C6orf163: variants seen among roughly 807,000 people sequenced by gnomAD.
The protein encoded by C6orf163 is uncharacterized protein C6orf163.
C6orf163 carries 22 observed loss-of-function variants against 28.4 expected under a neutral mutation model. The ratio of observed to expected loss-of-function variants is 0.78; its 90% CI spans 0.55 to 1.11. The LOEUF (loss-of-function observed/expected upper bound fraction) is 1.11. Among genes scored for constraint, C6orf163 ranks in the 50% least tolerant of loss-of-function variants. The pLI is 0.00. For missense variants in C6orf163, 342 were observed against 389.1 expected (o/e 0.88, Z 1.02); for synonymous variants, 110 against 123.6 (o/e 0.89, Z 0.73).
intron 2 of C6orf163, among the ~76,000 whole-genome samples, chr6:87,350,163 A>C (rs1582105150): frequency 6.6e-6 from 1 of 152,344 alleles, no homozygotes; most frequent in South Asian, 2.1e-4. Context: ...TAGCGATTCC[A>C]AAAACAGCAA....
At chr6:87,354,911 G>A (rs578102705) in intron 3 of C6orf163, among the ~76,000 whole-genome samples, 14 of 152,308 alleles carry the variant, frequency 9.2e-5, no homozygotes, top group Non-Finnish European at 1.9e-4. Context: ...CTCTCTGGAC[G>A]CTGTAAACAG....
intron 4 of C6orf163, among the ~76,000 whole-genome samples, chr6:87,361,017 G>A (rs930090693): frequency 6.6e-6 from 1 of 152,128 alleles, no homozygotes; most frequent in Non-Finnish European, 1.5e-5. Flanking sequence ...GGAAAAGTGG[G>A]GCTAGGCGCA....
intron 3 of C6orf163, among the ~76,000 whole-genome samples, chr6:87,355,597 A>G (rs1216546828): frequency 6.6e-6 from 1 of 152,200 alleles, no homozygotes; most frequent in East Asian, 1.9e-4. Context: ...AAGTTTTAAA[A>G]TACCTGGACA....
At chr6:87,356,559 G>A (rs1161287189) in intron 4 of C6orf163, 56 bp downstream of exon 4, 10 of 1,495,072 alleles carry the variant, frequency 6.7e-6, no homozygotes, top group Middle Eastern at 1.7e-4. Flanking sequence ...AATCAACCTG[G>A]AGAAACAGAT....
chr6:87,363,650 T>C (rs1777609391), intron 4 of C6orf163, among the ~76,000 whole-genome samples: 1 of 151,880 alleles, frequency 6.6e-6, no homozygotes, highest in East Asian at 1.9e-4. Flanking sequence ...TGCAATTTCA[T>C]CCATGTCCCT....
intron 2 of C6orf163, among the ~76,000 whole-genome samples, chr6:87,350,054 A>G (rs1474164897): frequency 6.6e-6 from 1 of 152,202 alleles, no homozygotes; most frequent in Non-Finnish European, 1.5e-5. Flanking sequence ...ATTTTCCACA[A>G]TGCACATATG....
At chr6:87,353,219 C>T (rs1197611708) in intron 3 of C6orf163, among the ~76,000 whole-genome samples, 2 of 152,090 alleles carry the variant, frequency 1.3e-5, no homozygotes, top group Non-Finnish European at 2.9e-5. Context: ...TGAATACCTA[C>T]TTCACAACCC....
chr6:87,352,697 A>G (rs539094302), intron 3 of C6orf163, among the ~76,000 whole-genome samples: 23 of 152,342 alleles, frequency 1.5e-4, no homozygotes, highest in Non-Finnish European at 2.9e-4. Flanking sequence ...TTAAAAATGT[A>G]TATATGCCAT....
intron 1 of C6orf163, among the ~76,000 whole-genome samples, chr6:87,347,006 G>C (rs533581719): frequency 6.6e-6 from 1 of 152,046 alleles, no homozygotes; most frequent in Non-Finnish European, 1.5e-5. Flanking sequence ...TTTTCCCCCG[G>C]CATAGAGTTT....
intron 3 of C6orf163, among the ~76,000 whole-genome samples, chr6:87,352,461 AC>A (rs1777431213): frequency 6.6e-6 from 1 of 152,198 alleles, no homozygotes; most frequent in Non-Finnish European, 1.5e-5. Context: ...TGTCAAGACC[AC>A]CAGGTATTAC....
rs779950694 is a variant in C6orf163, at chr6:87,356,289, C to T, written c.352-12C>T. 3.2e-6 allele frequency: 5 copies of T among 1,550,422 alleles called. No homozygotes were observed. The South Asian group carries it at 6.0e-5, about 18-fold the overall frequency. On this transcript the variant is annotated splice_polypyrimidine_tract_variant and intron_variant, in intron 3 of 4. Transcript: ENST00000388923. ...TCTGTAATAGCTAAACCTAGTTTTG[C>T]CATTGCTTCAGGAAGTGACAGCTAA...
At chr6:87,346,283 C>G (rs1015941218) in intron 1 of C6orf163, among the ~76,000 whole-genome samples, 3 of 151,854 alleles carry the variant, frequency 2.0e-5, no homozygotes, top group Non-Finnish European at 4.4e-5. Flanking sequence ...GAAAAAAAAA[C>G]TAAAATGTAG....
chr6:87,355,790 T>A (rs1297206886), intron 3 of C6orf163, among the ~76,000 whole-genome samples: 1 of 152,172 alleles, frequency 6.6e-6, no homozygotes, highest in Non-Finnish European at 1.5e-5. Flanking sequence ...ACTGTGGATT[T>A]CCAAAATGGT....
chr6:87,350,640 T>C (rs1488134050), intron 3 of C6orf163, 139 bp downstream of exon 3: 2 of 604,412 alleles, frequency 3.3e-6, no homozygotes, highest in Admixed American at 6.0e-5. Flanking sequence ...CCCTGGGAGG[T>C]TCTCAGAAGA....
intron 4 of C6orf163, among the ~76,000 whole-genome samples, chr6:87,362,440 G>A (rs1488507398): frequency 1.3e-5 from 2 of 152,184 alleles, no homozygotes; most frequent in Non-Finnish European, 2.9e-5. Context: ...TGGTGCCACT[G>A]CACTCCAGCC....
Position 87,356,327 on chromosome 6 carries a change from G to A in C6orf163, c.378G>A (p.Glu126=). 1.3e-6 allele frequency: 2 copies of A among 1,551,720 alleles called. No homozygotes were observed. The highest frequency in any genetic ancestry group is 1.2e-5 in the South Asian group (1 of 84,064). ...AAGTGACAGCTAAAACTAAGACAGA[G>A]ATGTATCAAAACATGGATGACGAAA... ...LQEVTAKTKT[E]MYQNMDDEMK... Residue 126 remains glutamate, a synonymous_variant, in exon 4 of 5, where the codon GAG becomes GAA. Coordinates refer to ENST00000388923, the MANE Select transcript of C6orf163 (RefSeq NM_001010868.3).
In C6orf163 at chr6:87,345,154, A is replaced by G. The variant is rs1404185858; in HGVS notation, c.55A>G (p.Ile19Val). ...NFVCCAVCNK[I>V]IPPAPFGKTF... is the part of the protein sequence containing the mutation. ...TGTTTGCTGTGCTGTTTGTAATAAA[A>G]TAATTCCACCAGCCCCTTTTGGAAA... Residue 19 changes from isoleucine (I) to valine (V), a missense_variant, in exon 1 of 5, where the codon ATA (isoleucine) becomes GTA (valine). Transcript: ENST00000388923. 1.3e-6 allele frequency: 2 copies of G among 1,536,402 alleles called. No homozygotes were observed. Among genetic ancestry groups the G allele is most frequent in the Non-Finnish European group, 1.7e-6 (2 of 1,146,694 alleles).
chr6:87,356,619 TTTTA>T (rs1777506502), intron 4 of C6orf163, 116 bp downstream of exon 4: 1 of 893,294 alleles, frequency 1.1e-6, no homozygotes, highest in South Asian at 1.8e-5. Flanking sequence ...GTTTTTACAT[TTTTA>T]TTATGGAAAA....
At chr6:87,360,466 T>C (rs1777565839) in intron 4 of C6orf163, among the ~76,000 whole-genome samples, 2 of 151,534 alleles carry the variant, frequency 1.3e-5, no homozygotes, top group South Asian at 4.2e-4. Flanking sequence ...ATGCGATTTC[T>C]GCTCACTGCA....
Sources: gnomAD v4.1 joint callset for allele counts (sites outside exome capture counted in the v4.1 genomes callset) on GRCh38, gnomAD v4.1.1 for gene constraint, MANE v1.5 for transcripts, NCBI Gene and HGNC (gene_info 2026-07-23, HGNC 2026-07-21) for gene names.